Variants in NECTIN3 observed in about 807,000 individuals in gnomAD.
NECTIN3 encodes nectin cell adhesion molecule 3, also known as nectin-3.
NECTIN3 carries 8 observed loss-of-function variants against 49.4 expected under a neutral mutation model. The observed-to-expected ratio is 0.16, with a 90% CI of 0.10 to 0.29. The LOEUF (loss-of-function observed/expected upper bound fraction) is 0.29, where lower values mean the gene tolerates loss of function less well. Ranked by LOEUF, NECTIN3 falls within the 10% of genes least tolerant of loss-of-function variation. NECTIN3 has a pLI of 1.00. For missense variants in NECTIN3, 581 were observed against 654.6 expected (o/e 0.89, Z 1.23); for synonymous variants, 277 against 241.1 (o/e 1.15, Z -1.38).
At chr3:111,128,053 C>T (rs2034237188) in intron 5 of NECTIN3, among the ~76,000 whole-genome samples, 1 of 152,032 alleles carries the variant, frequency 6.6e-6, no homozygotes, top group Admixed American at 6.6e-5. Context: ...AATATCAAGG[C>T]TTGACTGGGC....
At chr3:111,159,486 G>GT (rs1267727523) in intron 7 of NECTIN3, among the ~76,000 whole-genome samples, 2 of 151,880 alleles carry the variant, frequency 1.3e-5, no homozygotes, top group African/African-American at 4.8e-5. Context: ...TTTTTTGTTT[G>GT]TTTTTTATTT....
intron 7 of NECTIN3, among the ~76,000 whole-genome samples, chr3:111,155,330 G>A (rs1424495084): frequency 6.6e-6 from 1 of 152,134 alleles, no homozygotes; most frequent in African/African-American, 2.4e-5. Flanking sequence ...ATGGGGGCGT[G>A]GAGGATCTAT....
At chr3:111,147,478 A>G in exon 7 of NECTIN3, 3 of 1,515,250 alleles carry the variant, frequency 2.0e-6, no homozygotes, top group Non-Finnish European at 2.7e-6. Context: ...AGAAAGACCT[A>G]TTTCAGGTAT....
intron 2 of NECTIN3, 53 bp from the exon 3 acceptor site, chr3:111,118,603 A>C (rs2033809239): frequency 7.1e-7 from 1 of 1,404,374 alleles, no homozygotes; most frequent in Non-Finnish European, 9.5e-7. Flanking sequence ...TTGGAAAGAT[A>C]TAAACATATT....
chr3:111,110,252 T>C (rs1465446689), intron 1 of NECTIN3, among the ~76,000 whole-genome samples: 1 of 151,996 alleles, frequency 6.6e-6, no homozygotes, highest in Admixed American at 6.6e-5. Context: ...CATCTTGTCT[T>C]GGTCTTTTTT....
intron 1 of NECTIN3, among the ~76,000 whole-genome samples, chr3:111,076,566 G>C (rs184640498): frequency 6.6e-6 from 1 of 152,066 alleles, no homozygotes; most frequent in African/African-American, 2.4e-5. Context: ...ATATATTTTT[G>C]TCTAAAATGG....
At chr3:111,192,374 T>G in exon 1 of NECTIN3, 1 of 1,536,024 alleles carries the variant, frequency 6.5e-7, no homozygotes, top group South Asian at 1.2e-5. Context: ...CTTTGCAGAC[T>G]CAGTTCAAAG....
intron 7 of NECTIN3, among the ~76,000 whole-genome samples, chr3:111,180,766 G>A (rs371209105): frequency 2.6e-5 from 4 of 152,042 alleles, no homozygotes; most frequent in Admixed American, 1.3e-4. Flanking sequence ...ACTTTTTAAC[G>A]GAGAAACTTC....
intron 1 of NECTIN3, among the ~76,000 whole-genome samples, chr3:111,090,020 C>G (rs2107388176): frequency 6.6e-6 from 1 of 152,224 alleles, no homozygotes; most frequent in African/African-American, 2.4e-5. Flanking sequence ...AGCATTACTT[C>G]TTGCCTTAAC....
At position 111,071,973 on chromosome 3, in the gene NECTIN3, G is replaced by T; in HGVS notation, c.-45G>T. 1 of 1,355,122 alleles carries T rather than the reference G, an allele frequency of 7.4e-7. No individual in the cohort carries two copies. Among genetic ancestry groups the T allele is most frequent in the South Asian group, 1.7e-5 (1 of 60,578 alleles). The allele number at this position is 1,355,122 out of a possible 1,614,324, so 83.9% of individuals were successfully genotyped here. A position where few individuals can be genotyped will look rare whatever the true frequency, so the allele number is the denominator to read the frequency against. ...AGAGCCTGAGGCGCCGGGGCCGGGG[G>T]AGCCGGGGGGCGGGCGGGCGAGCGG... is the stretch of plus-strand genomic sequence containing the variant. On this transcript the variant is annotated 5_prime_UTR_variant, in exon 1 of 6. Transcript: ENST00000485303.
At position 111,176,954 on chromosome 3, in the gene NECTIN3, CTGT is replaced by C. The variant is rs1373516603; in HGVS notation, c.1222-15392_1222-15390del. On this transcript the variant is annotated intron_variant, in intron 7 of 8. Coordinates refer to the NECTIN3 transcript ENST00000493615. ...TGGCATTCTTCACTTAGTATATAGC[CTGT>C]TGTTTTAGGAACTAAAATACATTCC... Among the ~76,000 whole-genome samples the C allele has an allele frequency of 2.6e-5, 4 of 152,212 alleles. No individual in the cohort carries two copies. In the East Asian group the frequency reaches 5.8e-4, roughly 22 times the overall value.
intron 1 of NECTIN3, among the ~76,000 whole-genome samples, chr3:111,078,057 G>A (rs1476109821): frequency 6.6e-6 from 1 of 152,050 alleles, no homozygotes; most frequent in Non-Finnish European, 1.5e-5. Flanking sequence ...GTAATGTTTT[G>A]AAATCCAGTA....
intron 7 of NECTIN3, among the ~76,000 whole-genome samples, chr3:111,162,262 G>A (rs2035228806): frequency 1.3e-5 from 2 of 152,080 alleles, no homozygotes; most frequent in South Asian, 4.1e-4. Flanking sequence ...CATTGATATG[G>A]TTTGGCAGTG....
At chr3:111,090,089 T>G (rs2032171771) in intron 1 of NECTIN3, among the ~76,000 whole-genome samples, 1 of 152,184 alleles carries the variant, frequency 6.6e-6, no homozygotes, top group African/African-American at 2.4e-5. Context: ...GCGTTTGCAT[T>G]TTATCTTTTT....
chr3:111,170,188 A>G (rs2035406458), intron 7 of NECTIN3, among the ~76,000 whole-genome samples: 4 of 152,226 alleles, frequency 2.6e-5, no homozygotes, highest in African/African-American at 9.6e-5. Flanking sequence ...CATGAAGATG[A>G]AGAAAAGTGA....
intron 5 of NECTIN3, among the ~76,000 whole-genome samples, chr3:111,127,992 G>A (rs2034234590): frequency 6.6e-6 from 1 of 152,160 alleles, no homozygotes; most frequent in Non-Finnish European, 1.5e-5. Flanking sequence ...ACAATTTGGT[G>A]TGGGATATTA....
chr3:111,139,082 A>G (rs552623834), downstream of NECTIN3, among the ~76,000 whole-genome samples: 1 of 151,800 alleles, frequency 6.6e-6, no homozygotes, highest in South Asian at 2.1e-4. Flanking sequence ...GTCTTATTCA[A>G]TTTAGACCCC....
intron 1 of NECTIN3, among the ~76,000 whole-genome samples, chr3:111,092,912 A>C (rs1262837137): frequency 6.6e-6 from 1 of 152,198 alleles, no homozygotes; most frequent in African/African-American, 2.4e-5. Context: ...TGCCATTTTA[A>C]CAGTATTAAC....
At chr3:111,190,022 GC>G (rs1374613378), upstream of NECTIN3, among the ~76,000 whole-genome samples, 2 of 152,232 alleles carry the variant, frequency 1.3e-5, no homozygotes, top group African/African-American at 2.4e-5. Context: ...AGGCAGGGAT[GC>G]CTGTGAGCCT....
Sources: gnomAD v4.1 joint callset for allele counts (sites outside exome capture counted in the v4.1 genomes callset) on GRCh38, gnomAD v4.1.1 for gene constraint, MANE v1.5 for transcripts, NCBI Gene and HGNC (gene_info 2026-07-23, HGNC 2026-07-21) for gene names.